Variants in RBM18 observed in about 807,000 individuals in gnomAD.
RBM18 encodes probable RNA-binding protein 18.
RBM18 carries 18 observed loss-of-function variants against 26.4 expected under a neutral mutation model. That is an observed-to-expected ratio of 0.68 (90% CI 0.47 to 1.01). The LOEUF is 1.01. RBM18 is among the 50% of genes least tolerant of loss of function. The probability of loss-of-function intolerance (pLI) is 0.00; values close to 1 mark genes in which losing one functional copy is unlikely to be tolerated. For missense variants in RBM18, 180 were observed against 219.2 expected, an observed-to-expected ratio of 0.82 and a Z score of 1.13; for synonymous variants, 74 against 81.1, an observed-to-expected ratio of 0.91 and a Z score of 0.47.
At chr9:122,258,519 G>A (rs576513200) in intron 2 of RBM18, among the ~76,000 whole-genome samples, 27 of 152,154 alleles carry the variant, frequency 1.8e-4, no homozygotes, top group African/African-American at 5.3e-4. Flanking sequence ...CACCCGCCTC[G>A]GCCTCCCAAA....
intron 5 of RBM18, 39 bp from the exon 6 acceptor site, chr9:122,242,082 T>G (rs1831430794): frequency 1.7e-5 from 27 of 1,604,314 alleles, no homozygotes; most frequent in Non-Finnish European, 2.2e-5. Context: ...TGGGCCTAGG[T>G]ATATTCAGAA....
chr9:122,263,885 C>T (rs769458457), intron 1 of RBM18, among the ~76,000 whole-genome samples: 2 of 152,192 alleles, frequency 1.3e-5, no homozygotes, highest in Admixed American at 6.5e-5. Flanking sequence ...GTAACTGCAC[C>T]TTTAGCAAGT....
At chr9:122,254,078 CA>C (rs968177471) in intron 2 of RBM18, among the ~76,000 whole-genome samples, 4 of 145,850 alleles carry the variant, frequency 2.7e-5, no homozygotes, top group Non-Finnish European at 6.1e-5. Context: ...ACAAAAAAAA[CA>C]AAAAAGACAA....
chr9:122,258,776 C>CAAAACA (rs1831738486), intron 2 of RBM18, among the ~76,000 whole-genome samples: 1 of 151,644 alleles, frequency 6.6e-6, no homozygotes, highest in Non-Finnish European at 1.5e-5. Flanking sequence ...CCTGTCTCTA[C>CAAAACA]AAAACAAAAA....
At chr9:122,264,182 A>G (rs7034401) in intron 1 of RBM18, among the ~76,000 whole-genome samples, 148,060 of 152,338 alleles carry the variant, frequency 0.97, 71,972 homozygotes, top group East Asian at 1. Context: ...TCTCCACTCG[A>G]AGACTTAGTT....
chr9:122,248,644 A>G (rs10985577), intron 3 of RBM18, among the ~76,000 whole-genome samples: 49,282 of 152,126 alleles, frequency 0.32, 9,172 homozygotes, highest in South Asian at 0.47. Flanking sequence ...GAATTCCTGA[A>G]GCTGGCTAAC....
In RBM18 at chr9:122,242,039, T is replaced by C. The variant is rs1459538886; in HGVS notation, c.418A>G (p.Thr140Ala). ...TEPTQSNLSV[T>A]AKIKAIEAKL... Reference sequence around the variant, plus strand: ...GCTTCAATGGCTTTTATCTTTGCAGTGACACTGGAAAAATAATAGCAGAGG... The same window carrying C: ...GCTTCAATGGCTTTTATCTTTGCAGCGACACTGGAAAAATAATAGCAGAGG... Residue 140 changes from threonine (T) to alanine (A), a missense_variant, in exon 6 of 6, where the codon ACT (threonine) becomes GCT (alanine). Physicochemically the swap from Thr to Ala is moderately conservative, Grantham distance 58 (BLOSUM62 0). Coordinates refer to ENST00000417201, the MANE Select transcript of RBM18 (RefSeq NM_033117.4). 1 of 1,613,916 alleles carries C rather than the reference T, an allele frequency of 6.2e-7. No homozygotes were observed. Among genetic ancestry groups the C allele is most frequent in the South Asian group, 1.1e-5 (1 of 91,056 alleles).
intron 2 of RBM18, 33 bp downstream of exon 2, chr9:122,261,347 T>C: frequency 7.0e-7 from 1 of 1,434,750 alleles, no homozygotes; most frequent in Non-Finnish European, 9.8e-7. Flanking sequence ...ATCCCAATAT[T>C]GTAGGTAAAA....
rs1045164500 is a variant in RBM18, at chr9:122,239,034, T to C, written c.*2850A>G. On this transcript the variant is annotated 3_prime_UTR_variant, in exon 6 of 6. Coordinates refer to ENST00000417201, the MANE Select transcript of RBM18 (RefSeq NM_033117.4). ...CATATTTTAGGAACAAATGATTACA[T>C]ATAGGAAATGTTTGACATTTAATTT... is the stretch of plus-strand genomic sequence containing the variant. 1 of 152,188 alleles carries C rather than the reference T, an allele frequency of 6.6e-6. No homozygotes were observed. The highest frequency in any genetic ancestry group is 1.5e-5 in the Non-Finnish European group (1 of 68,036). 9.4% of individuals were successfully genotyped at this position (152,188 alleles called of 1,614,324 possible).
Position 122,241,680 on chromosome 9 carries a change from G to T in RBM18, c.*204C>A. The stretch of plus-strand genomic sequence containing the variant: ...TTCAAATCACAATTTGGGATACAAC[G>T]CTATTTATTCTGGATGATGCTCAAT... On this transcript the variant is annotated 3_prime_UTR_variant, in exon 6 of 6. Transcript: ENST00000417201. 2.2e-6 allele frequency: 1 copy of T among 463,432 alleles called. No homozygotes were observed. Among genetic ancestry groups the T allele is most frequent in the Non-Finnish European group, 3.8e-6 (1 of 264,750 alleles). The allele number at this position is 463,432 out of a possible 1,614,324, so 28.7% of individuals were successfully genotyped here.
At chr9:122,256,388 C>T (rs1484572021) in intron 2 of RBM18, among the ~76,000 whole-genome samples, 1 of 152,192 alleles carries the variant, frequency 6.6e-6, no homozygotes, top group Non-Finnish European at 1.5e-5. Flanking sequence ...TTTCATACCT[C>T]TATATGCATA....
intron 2 of RBM18, among the ~76,000 whole-genome samples, chr9:122,257,621 G>C (rs778031610): frequency 6.6e-6 from 1 of 152,154 alleles, no homozygotes; most frequent in Non-Finnish European, 1.5e-5. Flanking sequence ...AGAATGACTA[G>C]AAATAATCAC....
intron 1 of RBM18, among the ~76,000 whole-genome samples, chr9:122,262,646 C>T (rs932250424): frequency 1.5e-4 from 23 of 152,124 alleles, no homozygotes; most frequent in African/African-American, 2.7e-4. Flanking sequence ...GGCGGTGGCA[C>T]GATCTCGGCT....
At position 122,238,156 on chromosome 9, in the gene RBM18, T is replaced by C. The variant is rs1321576620; in HGVS notation, c.*3728A>G. On this transcript the variant is annotated 3_prime_UTR_variant, in exon 6 of 6. Transcript: ENST00000417201. ...CCATCTGGACAATGAGGGGGCTATA[T>C]GAGATGGTCTCTTAAGGCCCTTTGG... 1 of 152,224 alleles carries C rather than the reference T, an allele frequency of 6.6e-6. No homozygotes were observed. Among genetic ancestry groups the C allele is most frequent in the Non-Finnish European group, 1.5e-5 (1 of 68,048 alleles). 9.4% of individuals were successfully genotyped at this position (152,224 alleles called of 1,614,324 possible).
chr9:122,244,083 C>A (rs1390278940), intron 5 of RBM18, among the ~76,000 whole-genome samples: 1 of 151,904 alleles, frequency 6.6e-6, no homozygotes, highest in Non-Finnish European at 1.5e-5. Flanking sequence ...GAAAATAACA[C>A]AGTGGATATA....
rs1831374604 is a variant in RBM18 at position 122,239,235 on chromosome 9, G to A, written c.*2649C>T. ...CCTGTTTTGTTTTTGTTTTTTTTGA[G>A]ACGGTGTCTCACTCTGTTGCCCAGG... is the stretch of plus-strand genomic sequence containing the variant. On this transcript the variant is annotated 3_prime_UTR_variant, in exon 6 of 6. Coordinates refer to ENST00000417201, the MANE Select transcript of RBM18 (RefSeq NM_033117.4). 6.6e-6 allele frequency: 1 copy of A among 150,668 alleles called. No individual in the cohort carries two copies. Among genetic ancestry groups the A allele is most frequent in the Non-Finnish European group, 1.5e-5 (1 of 67,694 alleles). 9.3% of individuals were successfully genotyped at this position (150,668 alleles called of 1,614,324 possible). A position where few individuals can be genotyped will look rare whatever the true frequency, so the allele number is the denominator to read the frequency against.
chr9:122,238,656 G>A lies in RBM18; in HGVS notation c.*3228C>T, dbSNP rs1831366203. On this transcript the variant is annotated 3_prime_UTR_variant, in exon 6 of 6. Transcript: ENST00000417201. Reference sequence around the variant, plus strand: ...GCTATAGGGTCAGACACGTAGTGAAGGACAGGTCATTAGGGCCTTACAGAT... The same window carrying A: ...GCTATAGGGTCAGACACGTAGTGAAAGACAGGTCATTAGGGCCTTACAGAT... 1 of 152,220 alleles carries A rather than the reference G, an allele frequency of 6.6e-6. No homozygotes were observed. 9.4% of individuals were successfully genotyped at this position (152,220 alleles called of 1,614,324 possible).
chr9:122,251,561 T>C (rs369680455), intron 3 of RBM18, among the ~76,000 whole-genome samples: 4 of 152,036 alleles, frequency 2.6e-5, no homozygotes, highest in African/African-American at 9.7e-5. Flanking sequence ...CAAAAGAGAA[T>C]AGGGAGGGGG....
chr9:122,257,500 T>C (rs1831717411), intron 2 of RBM18, among the ~76,000 whole-genome samples: 1 of 152,106 alleles, frequency 6.6e-6, no homozygotes, highest in Non-Finnish European at 1.5e-5. Context: ...AGACGAGTAA[T>C]ATTAGAGTGC....
Sources: allele counts gnomAD v4.1 joint callset (sites outside exome capture counted in the v4.1 genomes callset), GRCh38; gene constraint gnomAD v4.1.1; transcripts MANE v1.5; gene names NCBI Gene and HGNC (gene_info 2026-07-23, HGNC 2026-07-21).